The following DENND1B variants were observed in gnomAD, a reference collection of about 807,000 sequenced individuals.
DENND1B encodes DENN domain containing 1B, also known as DENN domain-containing protein 1B.
In DENND1B, 59 loss-of-function variants were observed where a neutral mutation model predicts 90.1. That is an observed-to-expected ratio of 0.65 (90% CI 0.53 to 0.81). The LOEUF (loss-of-function observed/expected upper bound fraction) is 0.81, where lower values mean the gene tolerates loss of function less well. Ranked by LOEUF, DENND1B falls within the 40% of genes least tolerant of loss-of-function variation. The pLI is 0.00. For synonymous variants in DENND1B, 337 were observed against 324.6 expected (o/e 1.04, Z -0.41); for missense variants, 862 against 912.6 (o/e 0.94, Z 0.71).
At chr1:197,614,427 T>A (rs1677456298) in intron 11 of DENND1B, among the ~76,000 whole-genome samples, 1 of 150,988 alleles carries the variant, frequency 6.6e-6, no homozygotes, top group Non-Finnish European at 1.5e-5. Flanking sequence ...CCAAATCTCA[T>A]GAAAAGTAAC....
chr1:197,704,950 G>C (rs1323815925), intron 3 of DENND1B, among the ~76,000 whole-genome samples: 1 of 152,116 alleles, frequency 6.6e-6, no homozygotes, highest in Non-Finnish European at 1.5e-5. Flanking sequence ...CCTCAGGTAA[G>C]TTTCTTACTT....
At chr1:197,781,609 T>C in the DENND1B span, among the ~76,000 whole-genome samples, 3 of 152,188 alleles carry the variant, frequency 2.0e-5, no homozygotes, top group Non-Finnish European at 4.4e-5. Flanking sequence ...ACATGTGAAA[T>C]ACTTTTAAAA....
rs1249096882 is a variant in DENND1B at position 197,505,823 on chromosome 1, C to T, written c.*4637G>A. 6.6e-6 allele frequency: 1 copy of T among 151,602 alleles called. No homozygotes were observed. The highest frequency in any genetic ancestry group is 6.6e-5 in the Admixed American group (1 of 15,182). The allele number at this position is 151,602 out of a possible 1,614,324, so 9.4% of individuals were successfully genotyped here. Reference sequence around the variant, plus strand: ...ATATGTAATCATCAGCATACAAATGCCATTTTGATTTAGGTGGTGCAGAAC... The same window carrying T: ...ATATGTAATCATCAGCATACAAATGTCATTTTGATTTAGGTGGTGCAGAAC... On this transcript the variant is annotated 3_prime_UTR_variant, in exon 23 of 23. Transcript: ENST00000620048.
At chr1:197,735,222 A>G (rs1662531172) in intron 2 of DENND1B, 5 of 1,055,432 alleles carry the variant, frequency 4.7e-6, no homozygotes, top group Non-Finnish European at 5.7e-6. Flanking sequence ...TTTTACATCA[A>G]TGAATTAGCA....
chr1:197,778,675 T>TA (rs1180620058), upstream of DENND1B, among the ~76,000 whole-genome samples: 5 of 150,350 alleles, frequency 3.3e-5, no homozygotes, highest in East Asian at 3.9e-4. Context: ...AGACACTGTC[T>TA]AAAAAAAATT....
chr1:197,587,894 C>T (rs969338533), intron 14 of DENND1B, among the ~76,000 whole-genome samples: 1 of 151,894 alleles, frequency 6.6e-6, no homozygotes, highest in African/African-American at 2.4e-5. Context: ...TAATGGGAGA[C>T]AGTGACAGAT....
At chr1:197,698,298 C>A (rs186121252) in intron 3 of DENND1B, among the ~76,000 whole-genome samples, 1 of 152,194 alleles carries the variant, frequency 6.6e-6, no homozygotes, top group Non-Finnish European at 1.5e-5. Context: ...AATTGAACAA[C>A]CTGCTCCTGA....
At chr1:197,773,667 A>C (rs1656892717) in intron 1 of DENND1B, among the ~76,000 whole-genome samples, 1 of 152,242 alleles carries the variant, frequency 6.6e-6, no homozygotes, top group Non-Finnish European at 1.5e-5. Context: ...TGCTTAATTC[A>C]GAAGTTATTG....
At chr1:197,573,753 A>C (rs1350416326) in intron 15 of DENND1B, among the ~76,000 whole-genome samples, 2 of 152,192 alleles carry the variant, frequency 1.3e-5, no homozygotes, top group Non-Finnish European at 2.9e-5. Context: ...CTTATCCACC[A>C]CTATCAAGTC....
intron 20 of DENND1B, among the ~76,000 whole-genome samples, chr1:197,534,799 G>T (rs1669758988): frequency 6.6e-6 from 1 of 152,112 alleles, no homozygotes; most frequent in East Asian, 1.9e-4. Context: ...AATATTTCTA[G>T]AAACATTACA....
chr1:197,575,001 G>A (rs1204302613), intron 15 of DENND1B, among the ~76,000 whole-genome samples: 1 of 152,086 alleles, frequency 6.6e-6, no homozygotes, highest in Non-Finnish European at 1.5e-5. Context: ...AGAAAACCTA[G>A]GCAATACCAT....
At chr1:197,608,826 C>T (rs1224806919) in intron 12 of DENND1B, among the ~76,000 whole-genome samples, 1 of 150,414 alleles carries the variant, frequency 6.6e-6, no homozygotes, top group African/African-American at 2.4e-5. Flanking sequence ...TTTTAAAAAT[C>T]TGGTAATTGC....
chr1:197,666,778 A>G (rs1654975782), intron 5 of DENND1B, among the ~76,000 whole-genome samples: 1 of 152,214 alleles, frequency 6.6e-6, no homozygotes, highest in Non-Finnish European at 1.5e-5. Context: ...ACCCTAAACC[A>G]TTGTATGAAT....
chr1:197,750,417 G>GT (rs1558478092), intron 2 of DENND1B, among the ~76,000 whole-genome samples: 1 of 151,806 alleles, frequency 6.6e-6, no homozygotes, highest in Non-Finnish European at 1.5e-5. Flanking sequence ...AAGCAAAAAG[G>GT]TAACAACAAT....
intron 18 of DENND1B, 65 bp from the exon 19 acceptor site, chr1:197,541,080 A>G: frequency 7.3e-7 from 1 of 1,362,120 alleles, no homozygotes; most frequent in South Asian, 1.2e-5. Context: ...GAATAAGTAT[A>G]CAAGATCAAA....
At chr1:197,655,532 C>CTTTTTTT (rs766590749) in intron 6 of DENND1B, among the ~76,000 whole-genome samples, 2 of 142,270 alleles carry the variant, frequency 1.4e-5, no homozygotes, top group Non-Finnish European at 3.1e-5. Flanking sequence ...GCTACATTAA[C>CTTTTTTT]TTTTTTTTTT....
intron 8 of DENND1B, 132 bp downstream of exon 8, chr1:197,646,923 T>C: frequency 1.6e-6 from 1 of 612,256 alleles, no homozygotes; most frequent in Non-Finnish European, 2.7e-6. Context: ...ATATTCCAAA[T>C]GATTAATTTT....
At chr1:197,716,872 C>G (rs1369645847) in intron 2 of DENND1B, among the ~76,000 whole-genome samples, 1 of 151,936 alleles carries the variant, frequency 6.6e-6, no homozygotes, top group East Asian at 1.9e-4. Flanking sequence ...TATTGAATAG[C>G]TTACAGTTTG....
chr1:197,672,183 T>C (rs1432555576), intron 4 of DENND1B, 27 bp from the exon 5 acceptor site: 1 of 1,562,518 alleles, frequency 6.4e-7, no homozygotes, highest in Non-Finnish European at 8.6e-7. Flanking sequence ...TTAGGAAACA[T>C]TGTGCCTTGT....
Sources: allele counts gnomAD v4.1 joint callset (sites outside exome capture counted in the v4.1 genomes callset), GRCh38; gene constraint gnomAD v4.1.1; transcripts MANE v1.5; gene names NCBI Gene and HGNC (gene_info 2026-07-23, HGNC 2026-07-21).